FOXP2: variants seen among roughly 807,000 people sequenced by gnomAD.
FOXP2 encodes the protein forkhead box protein P2.
In FOXP2, 12 loss-of-function variants were observed where a neutral mutation model predicts 115.8. The observed-to-expected ratio is 0.10, with a 90% confidence interval of 0.07 to 0.17. FOXP2 has a LOEUF of 0.17. Ranked by LOEUF, FOXP2 falls within the 10% of genes least tolerant of loss-of-function variation. The pLI, the probability that FOXP2 is intolerant of heterozygous loss-of-function variation, is 1.00. For missense variants in FOXP2, 629 were observed against 843.5 expected (o/e 0.75, Z 3.15); for synonymous variants, 328 against 297.7 (o/e 1.10, Z -1.05).
chr7:114,218,430 A>G (rs866998862), intron 1 of FOXP2, among the ~76,000 whole-genome samples: 13 of 152,174 alleles, frequency 8.5e-5, no homozygotes, highest in Admixed American at 5.2e-4. Flanking sequence ...AGTAATTACA[A>G]GGCAGTTCTT....
chr7:114,442,759 G>A (rs1209717584), intron 2 of FOXP2, among the ~76,000 whole-genome samples: 1 of 152,140 alleles, frequency 6.6e-6, no homozygotes, highest in East Asian at 1.9e-4. Context: ...GCCATGTCCA[G>A]CCAAAGCGGG....
intron 3 of FOXP2, among the ~76,000 whole-genome samples, chr7:114,623,540 G>A (rs552995878): frequency 1.3e-5 from 2 of 151,804 alleles, no homozygotes; most frequent in South Asian, 4.1e-4. Context: ...TGCATTTTTG[G>A]CCTTTAAGCA....
chr7:114,561,702 A>G (rs1800766105), intron 3 of FOXP2, among the ~76,000 whole-genome samples: 1 of 152,226 alleles, frequency 6.6e-6, no homozygotes, highest in Admixed American at 6.5e-5. Flanking sequence ...AAACAAACAT[A>G]AAAATTATAA....
intron 2 of FOXP2, among the ~76,000 whole-genome samples, chr7:114,510,569 T>A (rs1347930552): frequency 6.6e-6 from 1 of 152,196 alleles, no homozygotes; most frequent in Admixed American, 6.6e-5. Flanking sequence ...AGATTTACCA[T>A]AGACAAATGT....
At chr7:114,189,922 A>G (rs755666411) in intron 1 of FOXP2, among the ~76,000 whole-genome samples, 4 of 152,186 alleles carry the variant, frequency 2.6e-5, no homozygotes, top group Non-Finnish European at 5.9e-5. Flanking sequence ...TATTTCATGC[A>G]AATGAGTGCA....
chr7:114,493,086 G>T (rs998963275), intron 2 of FOXP2, among the ~76,000 whole-genome samples: 16 of 152,172 alleles, frequency 1.1e-4, no homozygotes, highest in Middle Eastern at 6.8e-3. Flanking sequence ...TACGAATCTG[G>T]GTGCTCCTGT....
intron 2 of FOXP2, among the ~76,000 whole-genome samples, chr7:114,450,806 G>A (rs1417930054): frequency 3.3e-5 from 5 of 151,814 alleles, no homozygotes; most frequent in African/African-American, 1.2e-4. Flanking sequence ...TGAAACCCCT[G>A]GAAGTACATA....
chr7:114,398,260 C>A (rs1049961074), intron 2 of FOXP2, among the ~76,000 whole-genome samples: 1 of 151,822 alleles, frequency 6.6e-6, no homozygotes, highest in Non-Finnish European at 1.5e-5. Context: ...CAATTATAGC[C>A]ATCTAAAATA....
At chr7:114,502,919 A>T (rs1251012979) in intron 2 of FOXP2, among the ~76,000 whole-genome samples, 1 of 152,062 alleles carries the variant, frequency 6.6e-6, no homozygotes, top group Admixed American at 6.6e-5. Context: ...ATAATTGTCT[A>T]CAGGCACAGG....
chr7:114,634,743 A>C (rs1190621177), intron 6 of FOXP2, among the ~76,000 whole-genome samples: 1 of 152,108 alleles, frequency 6.6e-6, no homozygotes, highest in African/African-American at 2.4e-5. Flanking sequence ...CATAGTTTAT[A>C]TATTATCTAG....
In FOXP2 at chr7:114,652,200, T is replaced by C; in HGVS notation, c.1095-3T>C. 1 of 1,612,604 alleles carries C rather than the reference T, an allele frequency of 6.2e-7. No individual in the cohort carries two copies. The highest frequency in any genetic ancestry group is 8.5e-7 in the Non-Finnish European group (1 of 1,178,978). ...TTCTGTTTTGTGTCTTCTGTTTGTT[T>C]AGGCACCTTAACAATGAACACGCAT... On this transcript the variant is annotated splice_region_variant and splice_polypyrimidine_tract_variant and intron_variant, in intron 8 of 16. Coordinates refer to ENST00000350908, the MANE Select transcript of FOXP2 (RefSeq NM_014491.4).
At chr7:114,445,842 G>A (rs115657871) in intron 2 of FOXP2, among the ~76,000 whole-genome samples, 1,572 of 152,128 alleles carry the variant, frequency 0.01, 21 homozygotes, top group African/African-American at 0.032. Flanking sequence ...TAACACATCT[G>A]ATTTAATTAA....
At chr7:114,432,961 A>G (rs769927262) in intron 2 of FOXP2, among the ~76,000 whole-genome samples, 63 of 151,954 alleles carry the variant, frequency 4.1e-4, no homozygotes, top group Non-Finnish European at 7.8e-4. Flanking sequence ...TGGAATTTAC[A>G]GTTCACTCCT....
At chr7:114,601,498 A>C (rs1803021982) in intron 3 of FOXP2, among the ~76,000 whole-genome samples, 1 of 152,034 alleles carries the variant, frequency 6.6e-6, no homozygotes, top group Non-Finnish European at 1.5e-5. Flanking sequence ...TTCTATTCTT[A>C]ACGTTATTAT....
intron 1 of FOXP2, among the ~76,000 whole-genome samples, chr7:114,149,970 A>C (rs1043208278): frequency 6.6e-6 from 1 of 152,030 alleles, no homozygotes; most frequent in Non-Finnish European, 1.5e-5. Flanking sequence ...AATTAAAAAG[A>C]TTGAGGGATT....
intron 2 of FOXP2, among the ~76,000 whole-genome samples, chr7:114,306,084 G>C (rs1325475655): frequency 6.6e-6 from 1 of 152,124 alleles, no homozygotes; most frequent in Non-Finnish European, 1.5e-5. Flanking sequence ...GTGGTTTGGA[G>C]AATGGAAATT....
chr7:114,391,422 A>G (rs1309432546), intron 2 of FOXP2, among the ~76,000 whole-genome samples: 1 of 152,212 alleles, frequency 6.6e-6, no homozygotes, highest in East Asian at 1.9e-4. Context: ...TACAAATACA[A>G]GGGAAAAATC....
chr7:114,659,768 C>T, intron 13 of FOXP2, 95 bp downstream of exon 13: 2 of 936,170 alleles, frequency 2.1e-6, no homozygotes, highest in South Asian at 2.6e-5. Flanking sequence ...AGATTAGTAT[C>T]TGCTTCCCCT....
At chr7:114,215,381 A>T (rs1799251) in intron 1 of FOXP2, among the ~76,000 whole-genome samples, 2,888 of 152,206 alleles carry the variant, frequency 0.019, 97 homozygotes, top group African/African-American at 0.064. Context: ...TATTTACATG[A>T]TTTTTTATGG....
Sources: allele counts gnomAD v4.1 joint callset (sites outside exome capture counted in the v4.1 genomes callset), GRCh38; gene constraint gnomAD v4.1.1; transcripts MANE v1.5; gene names NCBI Gene and HGNC (gene_info 2026-07-23, HGNC 2026-07-21).